BMP3: variants seen among roughly 807,000 people sequenced by gnomAD.
The protein encoded by BMP3 is bone morphogenetic protein 3, also known as bone morphogenetic protein 3 (osteogenic).
In BMP3, 23 loss-of-function variants were observed where a neutral mutation model predicts 38.1. The observed-to-expected ratio is 0.60, with a 90% CI of 0.43 to 0.86. BMP3 has a LOEUF of 0.86. Ranked by LOEUF, BMP3 falls within the 40% of genes least tolerant of loss-of-function variation. The probability of loss-of-function intolerance (pLI) is 0.00; values close to 1 mark genes in which losing one functional copy is unlikely to be tolerated. For missense variants in BMP3, 628 were observed against 579.6 expected, an observed-to-expected ratio of 1.08 and a Z score of -0.86; for synonymous variants, 258 against 225.7, an observed-to-expected ratio of 1.14 and a Z score of -1.28.
chr4:81,045,888 C>T lies in BMP3; in HGVS notation c.467C>T (p.Ala156Val), dbSNP rs773959994. ...GTGTCTGGAGGATGCTCCCATCATG[C>T]TCAGAGGAAACACATTCAGATTGAT... The part of the protein sequence containing the change: ...CPVSGGCSHH[A>V]QRKHIQIDLS... The change falls in exon 2 of 3, where the codon GCT becomes GTT. Residue 156 changes from alanine (A) to valine (V), a missense_variant. Transcript: ENST00000282701. 6.2e-6 allele frequency: 10 copies of T among 1,614,112 alleles called. No individual in the cohort carries two copies. The Admixed American group carries it at 1.7e-4, about 27-fold the overall frequency.
chr4:81,036,266 A>T (rs554768592), intron 1 of BMP3, among the ~76,000 whole-genome samples: 1 of 152,124 alleles, frequency 6.6e-6, no homozygotes, highest in Admixed American at 6.5e-5. Context: ...CACCATTACT[A>T]CCTTGATGAA....
At position 81,031,563 on chromosome 4, in the gene BMP3, A is replaced by C. The variant is rs1739770789; in HGVS notation, c.279A>C (p.Glu93Asp). ...SQPWRPRLLREGNTVRSFRAA... is the reference protein window; with the variant it reads ...SQPWRPRLLRDGNTVRSFRAA... ...CCTGGCGCCCTCGGCTCCTGCGCGA[A>C]GGCAACACGGTTCGCAGCTTTCGGG... is the stretch of plus-strand genomic sequence containing the variant. Residue 93 changes from glutamate (E) to aspartate (D), a missense_variant, in exon 1 of 3, where the codon GAA (glutamate) becomes GAC (aspartate). Glu to Asp is a conservative substitution (Grantham distance 45). Transcript: ENST00000282701. 3 of 1,609,776 alleles carry C rather than the reference A, an allele frequency of 1.9e-6. No homozygotes were observed. The African/African-American group carries it at 4.0e-5, about 21-fold the overall frequency.
At chr4:81,037,193 GTTGT>G (rs1739945636) in intron 1 of BMP3, among the ~76,000 whole-genome samples, 2 of 151,814 alleles carry the variant, frequency 1.3e-5, no homozygotes, top group Non-Finnish European at 2.9e-5. Context: ...AAAATATAAG[GTTGT>G]TTGTTCAGCC....
Position 81,031,520 on chromosome 4 carries a change from T to C in BMP3, c.236T>C (p.Leu79Pro). Residue 79 changes from leucine (L) to proline (P), a missense_variant, in exon 1 of 3, where the codon CTG becomes CCG. Coordinates refer to ENST00000282701, the MANE Select transcript of BMP3 (RefSeq NM_001201.5). Reference protein sequence around the residue: ...TVQAARTPGSLEGGSQPWRPR... With the variant: ...TVQAARTPGSPEGGSQPWRPR... Reference sequence around the variant, plus strand: ...CAGGCGGCCCGGACACCGGGCTCCCTGGAGGGAGGCTCGCAGCCCTGGCGC... The same window carrying C: ...CAGGCGGCCCGGACACCGGGCTCCCCGGAGGGAGGCTCGCAGCCCTGGCGC... 6.2e-7 allele frequency: 1 copy of C among 1,612,514 alleles called. No individual in the cohort carries two copies. The highest frequency in any genetic ancestry group is 8.5e-7 in the Non-Finnish European group (1 of 1,179,554).
In BMP3 at chr4:81,031,156, T is replaced by A; in HGVS notation, c.-129T>A. 1 of 1,023,828 alleles carries A rather than the reference T, an allele frequency of 9.8e-7. No homozygotes were observed. The highest frequency in any genetic ancestry group is 1.4e-6 in the Non-Finnish European group (1 of 726,542). The allele number at this position is 1,023,828 out of a possible 1,614,324, so 63.4% of individuals were successfully genotyped here. On this transcript the variant is annotated 5_prime_UTR_variant, in exon 1 of 3. Transcript: ENST00000282701. Reference sequence around the variant, plus strand: ...CGCTATCTCGCTGCACCCGGCCGCGTCCCGGGCTCCGTGCGCCCTCGCCCC... The same window carrying A: ...CGCTATCTCGCTGCACCCGGCCGCGACCCGGGCTCCGTGCGCCCTCGCCCC...
At position 81,031,418 on chromosome 4, in the gene BMP3, G is replaced by T; in HGVS notation, c.134G>T (p.Gly45Val). The T allele has an allele frequency of 6.2e-7, 1 of 1,613,674 alleles. No homozygotes were observed. The highest frequency in any genetic ancestry group is 1.3e-5 in the African/African-American group (1 of 75,044). Residue 45 changes from glycine (G) to valine (V), a missense_variant, in exon 1 of 3, where the codon GGC becomes GTC. Gly to Val is a moderately radical substitution (Grantham distance 109). Transcript: ENST00000282701. ...CCAGGTGACCGCACGGCAGGTGGTGGCCCGGACTCCGAGCTGCAGCCGCAA... is the reference window on the plus strand; with the variant it reads ...CCAGGTGACCGCACGGCAGGTGGTGTCCCGGACTCCGAGCTGCAGCCGCAA... ...AVPGDRTAGG[G>V]PDSELQPQDK...
rs5859748 is a variant in BMP3 at position 81,032,194 on chromosome 4, C to CAAAAAAAAAAAAAAAAAAAAAAAAAAA, written c.316+620_316+621insAAAAAAAAAAAAAAAAAAAAAAAAAAA. 4.1e-5 allele frequency among the ~76,000 whole-genome samples: 3 copies of CAAAAAAAAAAAAAAAAAAAAAAAAAAA among 74,042 alleles called. 1 individual carries two copies. Among genetic ancestry groups the CAAAAAAAAAAAAAAAAAAAAAAAAAAA allele is most frequent in the African/African-American group, 1.4e-4 (3 of 20,700 alleles). The allele number at this position is 74,042 out of a possible 152,430, so 48.6% of individuals were successfully genotyped here. ...ACTTTACTTGATAGTTCCTTAGTGGCAAAAAAAAAAAAAAAAAAAAAAAAA... is the reference window on the plus strand; with the variant it reads ...ACTTTACTTGATAGTTCCTTAGTGGCAAAAAAAAAAAAAAAAAAAAAAAAAAAAAAAAAAAAAAAAAAAAAAAAAAAA... On this transcript the variant is annotated intron_variant, in intron 1 of 2. Coordinates refer to ENST00000282701, the MANE Select transcript of BMP3 (RefSeq NM_001201.5).
chr4:81,041,726 C>A (rs1740082516), intron 1 of BMP3, among the ~76,000 whole-genome samples: 2 of 152,148 alleles, frequency 1.3e-5, no homozygotes, highest in African/African-American at 4.8e-5. Flanking sequence ...ATTTCTTTTG[C>A]AAAAGCTTCC....
At chr4:81,040,069 G>A (rs1374888737) in intron 1 of BMP3, among the ~76,000 whole-genome samples, 1 of 152,130 alleles carries the variant, frequency 6.6e-6, no homozygotes, top group Non-Finnish European at 1.5e-5. Context: ...GTAAAAGAGA[G>A]TATAGCTTGT....
chr4:81,035,122 C>T (rs948296357), intron 1 of BMP3, among the ~76,000 whole-genome samples: 1 of 151,030 alleles, frequency 6.6e-6, no homozygotes, highest in Non-Finnish European at 1.5e-5. Flanking sequence ...TTACACACTA[C>T]TCTGAATACA....
intron 1 of BMP3, among the ~76,000 whole-genome samples, chr4:81,043,761 G>A (rs1740157655): frequency 6.6e-6 from 1 of 151,752 alleles, no homozygotes; most frequent in African/African-American, 2.4e-5. Context: ...GCTAATTTTT[G>A]TATTTTTAGT....
rs72868597 is a variant in BMP3 at position 81,040,928 on chromosome 4, G to C, written c.317-4810G>C. 8.4e-3 allele frequency among the ~76,000 whole-genome samples: 1,274 copies of C among 152,144 alleles called. 21 individuals carry two copies. Among genetic ancestry groups the C allele is most frequent in the African/African-American group, 0.029 (1,201 of 41,502 alleles). On this transcript the variant is annotated intron_variant, in intron 1 of 2. Coordinates refer to ENST00000282701, the MANE Select transcript of BMP3 (RefSeq NM_001201.5). ...ATCAGGAAGTACACTTCAGGTTTTT[G>C]ATTCAATCATTCCCAATAGATAAGT... is the stretch of plus-strand genomic sequence containing the variant.
rs746253596 is a variant in BMP3 at position 81,031,497 on chromosome 4, G to A, written c.213G>A (p.Gln71=). Residue 71 remains glutamine (Q), a synonymous_variant, in exon 1 of 3, where the codon CAG becomes CAA. Coordinates refer to ENST00000282701, the MANE Select transcript of BMP3 (RefSeq NM_001201.5). ...TCTATGACAGGTACAGCACGGTCCA[G>A]GCGGCCCGGACACCGGGCTCCCTGG... is the stretch of plus-strand genomic sequence containing the variant. The part of the protein sequence containing the change: ...LRLYDRYSTV[Q]AARTPGSLEG... The A allele has an allele frequency of 1.2e-6, 2 of 1,612,956 alleles. No individual in the cohort carries two copies. Among genetic ancestry groups the A allele is most frequent in the Non-Finnish European group, 1.7e-6 (2 of 1,179,594 alleles).
At chr4:81,043,269 T>G (rs75869196) in intron 1 of BMP3, among the ~76,000 whole-genome samples, 2 of 152,120 alleles carry the variant, frequency 1.3e-5, no homozygotes, top group African/African-American at 2.4e-5. Flanking sequence ...ACCTCAGTCC[T>G]GTGGATCTCG....
At chr4:81,043,590 A>ATTTT (rs3038534) in intron 1 of BMP3, among the ~76,000 whole-genome samples, 86,790 of 130,584 alleles carry the variant, frequency 0.66, 33,008 homozygotes, top group Non-Finnish European at 0.82. Context: ...GCATACTACA[A>ATTTT]TTTTTTTTTT....
chr4:81,031,249 A>T lies in BMP3; in HGVS notation c.-36A>T, dbSNP rs1253925833. 4 of 1,538,416 alleles carry T rather than the reference A, an allele frequency of 2.6e-6. No homozygotes were observed. The Admixed American group carries it at 5.7e-5, about 22-fold the overall frequency. ...TGCGCCTTCGGAGTGTCCCGCAGCG[A>T]CGCCGGGAGCCGACGCGCCGCGCGG... On this transcript the variant is annotated 5_prime_UTR_variant, in exon 1 of 3. Coordinates refer to ENST00000282701, the MANE Select transcript of BMP3 (RefSeq NM_001201.5).
Position 81,031,131 on chromosome 4 carries a change from C to A in BMP3, c.-154C>A. On this transcript the variant is annotated 5_prime_UTR_variant, in exon 1 of 3. Coordinates refer to ENST00000282701, the MANE Select transcript of BMP3 (RefSeq NM_001201.5). Reference sequence around the variant, plus strand: ...GGTCAGCGCAGCAAGTGGGGCTGGCCGCTATCTCGCTGCACCCGGCCGCGT... The same window carrying A: ...GGTCAGCGCAGCAAGTGGGGCTGGCAGCTATCTCGCTGCACCCGGCCGCGT... 1 of 775,884 alleles carries A rather than the reference C, an allele frequency of 1.3e-6. No homozygotes were observed. The allele number at this position is 775,884 out of a possible 1,614,324, so 48.1% of individuals were successfully genotyped here. A position where few individuals can be genotyped will look rare whatever the true frequency, so the allele number is the denominator to read the frequency against.
chr4:81,032,194 C>CAAAAAAAAAAAAAAAAAAAAA (rs5859748), intron 1 of BMP3, among the ~76,000 whole-genome samples: 5 of 74,036 alleles, frequency 6.8e-5, no homozygotes, highest in Admixed American at 2.0e-4. Context: ...TCCTTAGTGG[C>CAAAAAAAAAAAAAAAAAAAAA]AAAAAAAAAA....
Position 81,046,087 on chromosome 4 carries a change from G to A in BMP3, c.666G>A (p.Thr222=), listed in dbSNP as rs370315521. The A allele has an allele frequency of 4.5e-5, 73 of 1,614,120 alleles. No homozygotes were observed. Among genetic ancestry groups the A allele is most frequent in the Admixed American group, 6.7e-5 (4 of 60,006 alleles). Residue 222 remains threonine, a synonymous_variant, in exon 2 of 3, where the codon ACG becomes ACA. Coordinates refer to ENST00000282701, the MANE Select transcript of BMP3 (RefSeq NM_001201.5). ...NEEFLIGFNI[T]SKGRQLPKRR... Reference sequence around the variant, plus strand: ...AGTTCCTCATAGGATTTAACATTACGTCCAAGGGACGCCAGCTGCCAAAGA... The same window carrying A: ...AGTTCCTCATAGGATTTAACATTACATCCAAGGGACGCCAGCTGCCAAAGA...
Sources: gnomAD v4.1 joint callset for allele counts (sites outside exome capture counted in the v4.1 genomes callset) on GRCh38, gnomAD v4.1.1 for gene constraint, MANE v1.5 for transcripts, NCBI Gene and HGNC (gene_info 2026-07-23, HGNC 2026-07-21) for gene names.